CERS6: variants seen among roughly 807,000 people sequenced by gnomAD.
CERS6 encodes LAG1 homolog, ceramide synthase 6.
In CERS6, 26 loss-of-function variants were observed where a neutral mutation model predicts 56.8. The ratio of observed to expected loss-of-function variants is 0.46; its 90% CI spans 0.34 to 0.63. The LOEUF (loss-of-function observed/expected upper bound fraction) is 0.63. CERS6 is among the 30% of genes least tolerant of loss of function. The probability of loss-of-function intolerance (pLI) is 0.01; values close to 1 mark genes in which losing one functional copy is unlikely to be tolerated. For synonymous variants in CERS6, 164 were observed against 173.3 expected (o/e 0.95, Z 0.42); for missense variants, 415 against 467.5 (o/e 0.89, Z 1.04).
rs188783632 is a variant in CERS6 at position 168,720,672 on chromosome 2, G to A, written c.845+2694G>A. On this transcript the variant is annotated intron_variant, in intron 8 of 9. Coordinates refer to ENST00000305747, the MANE Select transcript of CERS6 (RefSeq NM_203463.3). ...CTCACAGCATTGTTGTAAACACTAA[G>A]TGATTTTATGTCTCTATAGAGCTAA... Among the ~76,000 whole-genome samples, 33 of 152,238 alleles carry A rather than the reference G, an allele frequency of 2.2e-4. No individual in the cohort carries two copies. The East Asian group carries it at 6.0e-3, about 28-fold the overall frequency.
chr2:168,626,960 G>GT (rs1301491308), intron 3 of CERS6, among the ~76,000 whole-genome samples: 1 of 152,088 alleles, frequency 6.6e-6, no homozygotes, highest in Admixed American at 6.6e-5. Context: ...GTCCCTGGGA[G>GT]TTTATGCTTT....
intron 3 of CERS6, among the ~76,000 whole-genome samples, chr2:168,581,900 A>G (rs1436189998): frequency 2.0e-5 from 3 of 152,184 alleles, no homozygotes; most frequent in African/African-American, 7.2e-5. Context: ...CAGAGAGTTT[A>G]TGCTTATGCT....
At chr2:168,589,923 T>G (rs1237845975) in intron 3 of CERS6, among the ~76,000 whole-genome samples, 1 of 152,206 alleles carries the variant, frequency 6.6e-6, no homozygotes, top group African/African-American at 2.4e-5. Flanking sequence ...GGCAATGAAC[T>G]TTTTTTATGT....
intron 4 of CERS6, among the ~76,000 whole-genome samples, chr2:168,671,561 G>T (rs75086283): frequency 6.6e-6 from 1 of 152,082 alleles, no homozygotes; most frequent in African/African-American, 2.4e-5. Context: ...ACAGTGAATC[G>T]TGAGTCTCAT....
At chr2:168,653,213 T>C (rs977823245) in intron 4 of CERS6, among the ~76,000 whole-genome samples, 1 of 152,234 alleles carries the variant, frequency 6.6e-6, no homozygotes, top group African/African-American at 2.4e-5. Flanking sequence ...GACTTTGTGT[T>C]TGTAAATGAC....
intron 8 of CERS6, among the ~76,000 whole-genome samples, chr2:168,723,744 C>T (rs1053576545): frequency 6.6e-6 from 1 of 152,172 alleles, no homozygotes; most frequent in African/African-American, 2.4e-5. Context: ...GAAGCATCAT[C>T]TTCTCACATT....
In CERS6 at chr2:168,765,731, G is replaced by T; in HGVS notation, c.985G>T (p.Ala329Ser). 6.2e-7 allele frequency: 1 copy of T among 1,612,502 alleles called. No individual in the cohort carries two copies. The highest frequency in any genetic ancestry group is 8.5e-7 in the Non-Finnish European group (1 of 1,179,482). Residue 329 changes from alanine to serine, a missense_variant, in exon 9 of 10, where the codon GCT becomes TCT. By Grantham distance (99) the Ala-to-Ser change is moderately conservative (BLOSUM62 1). Transcript: ENST00000305747. Reference protein sequence around the residue: ...SYLIVKIACKAVSRGKVSKDD... With the variant: ...SYLIVKIACKSVSRGKVSKDD... Reference sequence around the variant, plus strand: ...CTTGATTGTGAAAATAGCTTGCAAAGCTGTTTCAAGAGGCAAGGTAAGCTA... The same window carrying T: ...CTTGATTGTGAAAATAGCTTGCAAATCTGTTTCAAGAGGCAAGGTAAGCTA...
intron 2 of CERS6, among the ~76,000 whole-genome samples, chr2:168,548,935 G>T (rs537493276): frequency 7.9e-5 from 12 of 152,250 alleles, no homozygotes; most frequent in African/African-American, 2.9e-4. Context: ...CCAGGTTCCT[G>T]TCTGAAGGGA....
chr2:168,506,975 A>T (rs919359072), intron 1 of CERS6, among the ~76,000 whole-genome samples: 1 of 152,210 alleles, frequency 6.6e-6, no homozygotes, highest in African/African-American at 2.4e-5. Context: ...TGAACAAAGC[A>T]TTCCTGTATT....
At chr2:168,629,048 T>C (rs979330817) in intron 3 of CERS6, among the ~76,000 whole-genome samples, 1 of 152,178 alleles carries the variant, frequency 6.6e-6, no homozygotes, top group Non-Finnish European at 1.5e-5. Context: ...AAATTTTGCT[T>C]TCTGCAGATA....
chr2:168,610,139 G>C lies in CERS6; in HGVS notation c.408-20846G>C, dbSNP rs372658663. ...ACTACAGGCGCCCACCACCACGCCT[G>C]GTTAATTTTTTGTATTTTTAGTAGA... On this transcript the variant is annotated intron_variant, in intron 3 of 9. Coordinates refer to ENST00000305747, the MANE Select transcript of CERS6 (RefSeq NM_203463.3). 7.2e-5 allele frequency among the ~76,000 whole-genome samples: 11 copies of C among 151,914 alleles called. No individual in the cohort carries two copies. In the East Asian group the frequency reaches 2.1e-3, roughly 29 times the overall value.
intron 8 of CERS6, among the ~76,000 whole-genome samples, chr2:168,730,019 T>C (rs1683475207): frequency 6.6e-6 from 1 of 152,346 alleles, no homozygotes; most frequent in East Asian, 1.9e-4. Flanking sequence ...AATGAAATTT[T>C]AGCGTTTCCC....
At chr2:168,599,893 A>G (rs1194441636) in intron 3 of CERS6, among the ~76,000 whole-genome samples, 3 of 152,224 alleles carry the variant, frequency 2.0e-5, no homozygotes, top group African/African-American at 7.2e-5. Flanking sequence ...ATACACTAGT[A>G]GTAAGCATAA....
At chr2:168,681,960 G>A (rs1349058634) in intron 4 of CERS6, among the ~76,000 whole-genome samples, 1 of 152,110 alleles carries the variant, frequency 6.6e-6, no homozygotes, top group Admixed American at 6.5e-5. Context: ...GCTACAAATG[G>A]CAGGATTTCA....
At chr2:168,711,731 C>CAAAAAA (rs35886865) in intron 6 of CERS6, among the ~76,000 whole-genome samples, 8 of 97,864 alleles carry the variant, frequency 8.2e-5, no homozygotes, top group Non-Finnish European at 1.4e-4. Flanking sequence ...GAGACTGTCT[C>CAAAAAA]AAAAAAAAAA....
At chr2:168,759,374 C>T (rs932495999) in intron 8 of CERS6, among the ~76,000 whole-genome samples, 2 of 152,008 alleles carry the variant, frequency 1.3e-5, no homozygotes, top group Non-Finnish European at 2.9e-5. Context: ...AACAAACCCG[C>T]GTGAGTATGT....
intron 1 of CERS6, among the ~76,000 whole-genome samples, chr2:168,513,979 AGTG>A (rs1694842572): frequency 6.6e-6 from 1 of 152,162 alleles, no homozygotes; most frequent in African/African-American, 2.4e-5. Context: ...CAAAATACAA[AGTG>A]AAAAAAACCC....
At chr2:168,756,685 A>C (rs1038942946) in intron 8 of CERS6, among the ~76,000 whole-genome samples, 1 of 152,202 alleles carries the variant, frequency 6.6e-6, no homozygotes, top group Non-Finnish European at 1.5e-5. Context: ...TGTGTCCTCC[A>C]TCATAATGTG....
intron 1 of CERS6, among the ~76,000 whole-genome samples, chr2:168,501,694 T>G (rs573006788): frequency 3.5e-4 from 53 of 152,296 alleles, no homozygotes; most frequent in Admixed American, 3.2e-3. Flanking sequence ...CCAGCTGTCT[T>G]TTAATGATTT....
Sources: allele counts gnomAD v4.1 joint callset (sites outside exome capture counted in the v4.1 genomes callset), GRCh38; gene constraint gnomAD v4.1.1; transcripts MANE v1.5; gene names NCBI Gene and HGNC (gene_info 2026-07-23, HGNC 2026-07-21).